Variants in AUTS2 observed in about 807,000 individuals in gnomAD.
AUTS2 encodes the protein activator of transcription and developmental regulator AUTS2.
Under a neutral mutation model 112.4 loss-of-function variants are expected in AUTS2, and 17 were observed. The observed-to-expected ratio is 0.15, with a 90% CI of 0.10 to 0.23. The LOEUF is 0.23. Among genes scored for constraint, AUTS2 ranks in the 10% least tolerant of loss-of-function variants. The probability of loss-of-function intolerance (pLI) is 1.00; values close to 1 mark genes in which losing one functional copy is unlikely to be tolerated. For synonymous variants in AUTS2, 751 were observed against 702.7 expected (o/e 1.07, Z -1.09); for missense variants, 1,510 against 1,701.6 (o/e 0.89, Z 1.98).
Position 70,773,493 on chromosome 7 carries a change from G to A in AUTS2, c.1831-535G>A, listed in dbSNP as rs144744228. On this transcript the variant is annotated intron_variant, in intron 11 of 18. Coordinates refer to ENST00000342771, the MANE Select transcript of AUTS2 (RefSeq NM_015570.4). ...CAGATCCGCAAGGTCCCTAAATTAG[G>A]TTCTCTTGTCCCATTTCCACCACTG... Among the ~76,000 whole-genome samples, 211 of 152,274 alleles carry A rather than the reference G, an allele frequency of 1.4e-3. 1 individual carries two copies. The highest frequency in any genetic ancestry group is 4.6e-3 in the African/African-American group (193 of 41,568).
intron 6 of AUTS2, among the ~76,000 whole-genome samples, chr7:70,756,179 A>G (rs963917398): frequency 2.0e-5 from 3 of 152,316 alleles, no homozygotes; most frequent in Non-Finnish European, 4.4e-5. Context: ...ATAATAGTGC[A>G]CTTTATTTAA....
chr7:70,483,805 GA>G (rs34809333), intron 5 of AUTS2, among the ~76,000 whole-genome samples: 19 of 150,630 alleles, frequency 1.3e-4, no homozygotes, highest in South Asian at 8.4e-4. Context: ...AAAGGAGAAA[GA>G]AAAAAAAAAC....
chr7:70,757,256 A>G (rs1170547725), intron 6 of AUTS2, among the ~76,000 whole-genome samples: 1 of 152,152 alleles, frequency 6.6e-6, no homozygotes, highest in Non-Finnish European at 1.5e-5. Flanking sequence ...ATCCTTTCTA[A>G]ACTTCATTTT....
At chr7:70,250,627 A>G (rs948410280) in intron 4 of AUTS2, among the ~76,000 whole-genome samples, 1 of 152,242 alleles carries the variant, frequency 6.6e-6, no homozygotes. Context: ...AATGCCCATC[A>G]GTGGTAGACT....
chr7:70,727,611 G>A (rs2129552200), intron 6 of AUTS2, among the ~76,000 whole-genome samples: 2 of 152,242 alleles, frequency 1.3e-5, no homozygotes, highest in Middle Eastern at 6.8e-3. Flanking sequence ...GCCTCCCAAA[G>A]TGCTGGGATT....
At chr7:69,633,994 T>C (rs990785726) in intron 1 of AUTS2, among the ~76,000 whole-genome samples, 3 of 152,208 alleles carry the variant, frequency 2.0e-5, no homozygotes, top group African/African-American at 4.8e-5. Context: ...GCTTTTGTTA[T>C]GTTATCCAAA....
chr7:70,054,830 A>G (rs1030229887), intron 2 of AUTS2, among the ~76,000 whole-genome samples: 4 of 152,122 alleles, frequency 2.6e-5, no homozygotes, highest in Non-Finnish European at 5.9e-5. Flanking sequence ...CTTACTTTTC[A>G]GTAGGGGGTT....
At position 70,516,082 on chromosome 7, in the gene AUTS2, T is replaced by C. The variant is rs545604548; in HGVS notation, c.690+80301T>C. On this transcript the variant is annotated intron_variant, in intron 5 of 18. Transcript: ENST00000342771. ...TACTGTGTGTTACTTTATGAATTTTTTATCAGCATTTTAATAGCTCTTTCA... is the reference window on the plus strand; with the variant it reads ...TACTGTGTGTTACTTTATGAATTTTCTATCAGCATTTTAATAGCTCTTTCA... 3.9e-5 allele frequency among the ~76,000 whole-genome samples: 6 copies of C among 152,350 alleles called. No homozygotes were observed. In the South Asian group the frequency reaches 1.2e-3, roughly 32 times the overall value.
At chr7:70,393,424 A>G (rs1377805429) in intron 4 of AUTS2, among the ~76,000 whole-genome samples, 1 of 151,966 alleles carries the variant, frequency 6.6e-6, no homozygotes, top group African/African-American at 2.4e-5. Flanking sequence ...CCCATGGTCT[A>G]GTTTGTCCTG....
chr7:69,962,185 C>G (rs1194659033), intron 2 of AUTS2, among the ~76,000 whole-genome samples: 1 of 152,096 alleles, frequency 6.6e-6, no homozygotes, highest in Admixed American at 6.5e-5. Flanking sequence ...GATCATTCTC[C>G]CACCTTCAAA....
chr7:69,847,295 A>G (rs1019625724), intron 1 of AUTS2, among the ~76,000 whole-genome samples: 2 of 152,182 alleles, frequency 1.3e-5, no homozygotes, highest in Non-Finnish European at 2.9e-5. Flanking sequence ...GCGTGTGGAT[A>G]GAGAGAGGAA....
intron 1 of AUTS2, among the ~76,000 whole-genome samples, chr7:69,710,477 G>T (rs972846365): frequency 2.0e-5 from 3 of 152,168 alleles, no homozygotes. Context: ...TGACTGGTGC[G>T]GATGCCTGGA....
intron 2 of AUTS2, among the ~76,000 whole-genome samples, chr7:70,101,026 C>T (rs1208605698): frequency 6.6e-6 from 1 of 152,040 alleles, no homozygotes; most frequent in Non-Finnish European, 1.5e-5. Context: ...TATAGGCGCA[C>T]ACCACCACAC....
chr7:70,404,439 C>A (rs2130258691), intron 4 of AUTS2, among the ~76,000 whole-genome samples: 1 of 152,252 alleles, frequency 6.6e-6, no homozygotes, highest in Admixed American at 6.5e-5. Context: ...TGTGAAGGCT[C>A]CTTTGTCCAC....
chr7:70,679,952 C>G (rs1005795412), intron 5 of AUTS2, among the ~76,000 whole-genome samples: 2 of 152,168 alleles, frequency 1.3e-5, no homozygotes, highest in South Asian at 4.1e-4. Context: ...TTAATGGCCC[C>G]GTAGTACCAA....
At chr7:70,460,891 C>T (rs1796935901) in intron 5 of AUTS2, among the ~76,000 whole-genome samples, 1 of 152,152 alleles carries the variant, frequency 6.6e-6, no homozygotes, top group African/African-American at 2.4e-5. Context: ...CTCGGCTCTG[C>T]AAAATCACAG....
intron 5 of AUTS2, among the ~76,000 whole-genome samples, chr7:70,602,794 G>C (rs1478502656): frequency 6.6e-6 from 1 of 152,162 alleles, no homozygotes; most frequent in Non-Finnish European, 1.5e-5. Context: ...GTACTAAGTA[G>C]CCCTGTACAT....
At position 70,444,343 on chromosome 7, in the gene AUTS2, C is replaced by CGTGT. The variant is rs370735846; in HGVS notation, c.690+8590_690+8593dup. Among the ~76,000 whole-genome samples, 1,188 of 138,746 alleles carry CGTGT rather than the reference C, an allele frequency of 8.6e-3. 4 individuals are homozygous for CGTGT. Among genetic ancestry groups the CGTGT allele is most frequent in the African/African-American group, 9.9e-3 (358 of 36,252 alleles). The allele number at this position is 138,746 out of a possible 152,430, so 91.0% of individuals were successfully genotyped here. ...GAAGATAGAACTTTTTGGTCATGTA[C>CGTGT]GTGTGTGTGTGTGTGTGTGTGTGTG... On this transcript the variant is annotated intron_variant, in intron 5 of 18. Transcript: ENST00000342771.
intron 5 of AUTS2, among the ~76,000 whole-genome samples, chr7:70,603,075 G>C (rs960894197): frequency 2.0e-5 from 3 of 152,084 alleles, no homozygotes; most frequent in Non-Finnish European, 4.4e-5. Flanking sequence ...TTATATCTAC[G>C]TAGAAGATTT....
Sources: gnomAD v4.1 joint callset for allele counts (sites outside exome capture counted in the v4.1 genomes callset) on GRCh38, gnomAD v4.1.1 for gene constraint, MANE v1.5 for transcripts, NCBI Gene and HGNC (gene_info 2026-07-23, HGNC 2026-07-21) for gene names.